The following PAX5 variants were observed in gnomAD, a reference collection of about 807,000 sequenced individuals.
PAX5 encodes paired box protein Pax-5.
A neutral mutation model predicts 43.7 loss-of-function variants in PAX5; 9 were observed. The ratio of observed to expected loss-of-function variants is 0.21; its 90% CI spans 0.12 to 0.36. PAX5 has a LOEUF of 0.36. Among genes scored for constraint, PAX5 ranks in the 10% least tolerant of loss-of-function variants. The probability of loss-of-function intolerance (pLI) is 1.00; values close to 1 mark genes in which losing one functional copy is unlikely to be tolerated. For synonymous variants in PAX5, 228 were observed against 214.3 expected (o/e 1.06, Z -0.56); for missense variants, 383 against 532.7 (o/e 0.72, Z 2.77).
chr9:37,026,462 G>A (rs1840385657), intron 1 of PAX5: 2 of 1,240,300 alleles, frequency 1.6e-6, no homozygotes, highest in South Asian at 1.3e-5. Flanking sequence ...CTTAGTACCT[G>A]ACCCACGGTC....
intron 6 of PAX5, among the ~76,000 whole-genome samples, chr9:36,954,836 A>G (rs1833317994): frequency 6.6e-6 from 1 of 151,992 alleles, no homozygotes; most frequent in Admixed American, 6.6e-5. Context: ...CATGCCAACT[A>G]TTTGGTGTAT....
intron 7 of PAX5, among the ~76,000 whole-genome samples, chr9:36,900,951 C>T (rs988522879): frequency 2.6e-5 from 4 of 152,210 alleles, no homozygotes; most frequent in Admixed American, 6.5e-5. Flanking sequence ...CGTTGATGGC[C>T]GCCCACCTGT....
chr9:36,921,470 C>A (rs1268447762), intron 7 of PAX5, among the ~76,000 whole-genome samples: 2 of 152,196 alleles, frequency 1.3e-5, no homozygotes, highest in Non-Finnish European at 2.9e-5. Flanking sequence ...GCATGGCCAG[C>A]AGCACGGGCC....
intron 8 of PAX5, among the ~76,000 whole-genome samples, chr9:36,870,680 C>T (rs984106923): frequency 3.3e-5 from 5 of 152,200 alleles, no homozygotes; most frequent in African/African-American, 1.2e-4. Context: ...CTAAAAAGCT[C>T]CTGGGACTTT....
intron 7 of PAX5, among the ~76,000 whole-genome samples, chr9:36,898,459 C>T (rs1019910067): frequency 4.6e-5 from 7 of 152,156 alleles, no homozygotes; most frequent in African/African-American, 1.7e-4. Flanking sequence ...CCTCTGGTCT[C>T]CGGGCCCCAG....
In PAX5 at chr9:36,882,267, T is replaced by TACAC. The variant is rs10650417; in HGVS notation, c.911-166_911-163dup. ...GCTCACACGCTCTCACAAACACACA[T>TACAC]ACACACACACACACACACACACACA... On this transcript the variant is annotated intron_variant, in intron 7 of 9. Transcript: ENST00000358127. This position sits in a 1 kb window ranked among gnomAD's most constrained non-coding sequence, Gnocchi z 4.4. 0.056 allele frequency among the ~76,000 whole-genome samples: 8,229 copies of TACAC among 146,318 alleles called. 745 individuals carry two copies. Among genetic ancestry groups the TACAC allele is most frequent in the African/African-American group, 0.19 (7,699 of 40,202 alleles).
Position 36,837,984 on chromosome 9 carries a change from G to T in PAX5, c.*2576C>A, listed in dbSNP as rs534420779. On this transcript the variant is annotated 3_prime_UTR_variant, in exon 10 of 10. Transcript: ENST00000358127. Reference sequence around the variant, plus strand: ...ACATCATTCCAAAAGAAGGGTGACAGGGGGCAGAGGCTCAAGAAGTCTGTG... The same window carrying T: ...ACATCATTCCAAAAGAAGGGTGACATGGGGCAGAGGCTCAAGAAGTCTGTG... 1 of 233,280 alleles carries T rather than the reference G, an allele frequency of 4.3e-6. No homozygotes were observed. The highest frequency in any genetic ancestry group is 5.6e-5 in the Admixed American group (1 of 17,798). The allele number at this position is 233,280 out of a possible 1,614,324, so 14.5% of individuals were successfully genotyped here.
chr9:36,954,813 G>C (rs1171454092), intron 6 of PAX5, among the ~76,000 whole-genome samples: 2 of 152,008 alleles, frequency 1.3e-5, no homozygotes, highest in South Asian at 2.1e-4. Flanking sequence ...TCTTTTCTCT[G>C]TTTTTATTTT....
At chr9:37,005,142 C>G (rs1030572346) in intron 4 of PAX5, among the ~76,000 whole-genome samples, 2 of 152,196 alleles carry the variant, frequency 1.3e-5, no homozygotes, top group African/African-American at 4.8e-5. Context: ...CAAACATTCC[C>G]CCAGGAAGCC....
intron 5 of PAX5, among the ~76,000 whole-genome samples, chr9:36,980,121 T>G (rs1835785884): frequency 6.6e-6 from 1 of 152,198 alleles, no homozygotes; most frequent in Non-Finnish European, 1.5e-5. Context: ...GGCATTTAAT[T>G]TAATTTTCCC....
At chr9:36,956,790 C>T (rs1017373576) in intron 6 of PAX5, among the ~76,000 whole-genome samples, 1 of 152,174 alleles carries the variant, frequency 6.6e-6, no homozygotes, top group African/African-American at 2.4e-5. Flanking sequence ...CCTTGGGTCA[C>T]TTTGAGATGA....
chr9:36,958,437 A>G (rs1294517539), intron 6 of PAX5, among the ~76,000 whole-genome samples: 4 of 148,024 alleles, frequency 2.7e-5, no homozygotes, highest in Non-Finnish European at 6.0e-5. Flanking sequence ...TCTAGGAACT[A>G]CGGGGGCCTG....
chr9:36,969,525 CAG>C (rs1273223668), intron 5 of PAX5, among the ~76,000 whole-genome samples: 1 of 152,258 alleles, frequency 6.6e-6, no homozygotes, highest in African/African-American at 2.4e-5. Context: ...AGTGTACACA[CAG>C]GGGGTGTTAG....
chr9:36,987,800 T>A (rs897407975), intron 5 of PAX5, among the ~76,000 whole-genome samples: 2 of 152,230 alleles, frequency 1.3e-5, no homozygotes, highest in Non-Finnish European at 2.9e-5. Context: ...CAGTTGTTTT[T>A]CGCCCATTGT....
chr9:36,939,717 A>T (rs1461925724), intron 6 of PAX5, among the ~76,000 whole-genome samples: 2 of 152,104 alleles, frequency 1.3e-5, no homozygotes, highest in Non-Finnish European at 2.9e-5. Flanking sequence ...TCAATTTTGG[A>T]ATTCATAAGC....
intron 1 of PAX5, among the ~76,000 whole-genome samples, chr9:37,033,597 G>GAC (rs1221982131): frequency 3.6e-5 from 2 of 55,876 alleles, no homozygotes; most frequent in Non-Finnish European, 7.6e-5. Context: ...CGAGTATAAA[G>GAC]ATACACACAC....
At chr9:36,891,936 C>G (rs1827427518) in intron 7 of PAX5, among the ~76,000 whole-genome samples, 1 of 152,180 alleles carries the variant, frequency 6.6e-6, no homozygotes, top group African/African-American at 2.4e-5. Context: ...GCACCCACCT[C>G]CCTGGAATCT....
In PAX5 at chr9:36,943,209, C is replaced by G. The variant is rs1832204165; in HGVS notation, c.781-19725G>C. ...CTTACGGGTCCATCAGGTTTGCCTC[C>G]CCAGGCACATTGCCTTGAGGTGGGT... On this transcript the variant is annotated intron_variant, in intron 6 of 9. Coordinates refer to ENST00000358127, the MANE Select transcript of PAX5 (RefSeq NM_016734.3). Among the ~76,000 whole-genome samples, 3 of 152,308 alleles carry G rather than the reference C, an allele frequency of 2.0e-5. No homozygotes were observed. In the South Asian group the frequency reaches 6.2e-4, roughly 32 times the overall value.
intron 8 of PAX5, among the ~76,000 whole-genome samples, chr9:36,880,003 G>A (rs1043984031): frequency 5.3e-5 from 8 of 152,250 alleles, no homozygotes; most frequent in Non-Finnish European, 1.2e-4. Flanking sequence ...GAGTACACAC[G>A]GAGGCCGTTT....
Sources: allele counts gnomAD v4.1 joint callset (sites outside exome capture counted in the v4.1 genomes callset), GRCh38; gene constraint gnomAD v4.1.1; non-coding constraint Gnocchi (gnomAD v3.1); transcripts MANE v1.5; gene names NCBI Gene and HGNC (gene_info 2026-07-23, HGNC 2026-07-21).